MAEL: variants seen among roughly 807,000 people sequenced by gnomAD.
The protein encoded by MAEL is maelstrom spermatogenic transposon silencer.
In MAEL, 46 loss-of-function variants were observed where a neutral mutation model predicts 62.0. The ratio of observed to expected loss-of-function variants is 0.74; its 90% CI spans 0.59 to 0.95. The LOEUF (loss-of-function observed/expected upper bound fraction) is 0.95. Among genes scored for constraint, MAEL ranks in the 40% least tolerant of loss-of-function variants. The pLI is 0.00. For synonymous variants in MAEL, 172 were observed against 175.5 expected, an observed-to-expected ratio of 0.98 and a Z score of 0.16; for missense variants, 497 against 526.8, an observed-to-expected ratio of 0.94 and a Z score of 0.55.
At position 167,006,536 on chromosome 1, in the gene MAEL, C is replaced by T. The variant is rs915584402; in HGVS notation, c.845+1139C>T. On this transcript the variant is annotated intron_variant, in intron 8 of 11. Transcript: ENST00000367872. ...TTTGTCCAATTACTGATGATGATAA[C>T]TTTGATCACTTGTTTAATATAGTAC... 1.5e-4 allele frequency among the ~76,000 whole-genome samples: 22 copies of T among 144,334 alleles called. No individual in the cohort carries two copies. In the South Asian group the frequency reaches 1.6e-3, roughly 10 times the overall value. The allele number at this position is 144,334 out of a possible 152,430, so 94.7% of individuals were successfully genotyped here.
chr1:166,979,530 AG>A (rs1663696465), intron 1 of MAEL, among the ~76,000 whole-genome samples: 2 of 152,252 alleles, frequency 1.3e-5, no homozygotes, highest in African/African-American at 4.8e-5. Context: ...AATGCTTTAA[AG>A]AAAGGAAATG....
Position 167,022,072 on chromosome 1 carries a change from A to T in MAEL, c.*217A>T. The T allele has an allele frequency of 2.1e-6, 1 of 479,702 alleles. No homozygotes were observed. 29.7% of individuals were successfully genotyped at this position (479,702 alleles called of 1,614,324 possible). ...AGGGATTGTTCTGCTTCCTGGCTGT[A>T]TGATGGGTATATCATTAAAGTTTGG... is the stretch of plus-strand genomic sequence containing the variant. On this transcript the variant is annotated 3_prime_UTR_variant, in exon 12 of 12. Transcript: ENST00000367872.
At chr1:166,985,854 A>T (rs1663897080), upstream of MAEL, among the ~76,000 whole-genome samples, 1 of 152,232 alleles carries the variant, frequency 6.6e-6, no homozygotes, top group South Asian at 2.1e-4. Context: ...CCAGAAATGA[A>T]ACAGATAATA....
At chr1:167,001,322 G>A (rs895466204) in intron 5 of MAEL, among the ~76,000 whole-genome samples, 3 of 152,098 alleles carry the variant, frequency 2.0e-5, no homozygotes, top group Non-Finnish European at 4.4e-5. Flanking sequence ...TATACTACTC[G>A]GGTGATGGGT....
At chr1:167,016,201 A>C (rs370583379) in intron 8 of MAEL, 21 bp from the exon 9 acceptor site, 239 of 1,609,262 alleles carry the variant, frequency 1.5e-4, no homozygotes, top group Non-Finnish European at 2.0e-4. Flanking sequence ...TTAGGATATT[A>C]AAGTCCATTT....
At chr1:166,985,844 C>A (rs530658741), upstream of MAEL, among the ~76,000 whole-genome samples, 1 of 151,804 alleles carries the variant, frequency 6.6e-6, no homozygotes, top group African/African-American at 2.4e-5. Flanking sequence ...AGAAACAGAC[C>A]CAGAAATGAA....
At chr1:167,020,961 C>A in intron 10 of MAEL, 124 bp from the exon 11 acceptor site, 1 of 749,742 alleles carries the variant, frequency 1.3e-6, no homozygotes, top group Non-Finnish European at 2.3e-6. Context: ...ATTGATAAGA[C>A]ATTGGAAAAG....
chr1:167,013,080 TGAG>T (rs1349974745), intron 8 of MAEL, among the ~76,000 whole-genome samples: 2 of 152,058 alleles, frequency 1.3e-5, no homozygotes, highest in Admixed American at 6.6e-5. Context: ...ATTGGATAGA[TGAG>T]GAGGAGAGGA....
intron 1 of MAEL, among the ~76,000 whole-genome samples, chr1:166,978,402 A>T (rs181765211): frequency 1.3e-5 from 2 of 152,302 alleles, no homozygotes; most frequent in East Asian, 3.9e-4. Flanking sequence ...ATATGTAATG[A>T]TTCAAAACAT....
chr1:166,991,359 T>G lies in MAEL; in HGVS notation c.226-19T>G, dbSNP rs748199584. On this transcript the variant is annotated intron_variant, in intron 2 of 11. Transcript: ENST00000367872. ...GCCCAGCAAGAGTTTATGTGGCCAA[T>G]CATTCTCTTCCTCTTTAGAAACCTG... 17 of 1,526,796 alleles carry G rather than the reference T, an allele frequency of 1.1e-5. No individual in the cohort carries two copies. Among genetic ancestry groups the G allele is most frequent in the Non-Finnish European group, 1.5e-5 (17 of 1,100,902 alleles). The allele number at this position is 1,526,796 out of a possible 1,614,324, so 94.6% of individuals were successfully genotyped here. A position where few individuals can be genotyped will look rare whatever the true frequency, so the allele number is the denominator to read the frequency against.
At chr1:166,986,565 T>A (rs1663920001), upstream of MAEL, among the ~76,000 whole-genome samples, 2 of 152,172 alleles carry the variant, frequency 1.3e-5, no homozygotes, top group Admixed American at 6.5e-5. Context: ...TACACTAAAA[T>A]TTATGGGTAA....
intron 4 of MAEL, among the ~76,000 whole-genome samples, chr1:166,993,763 CTT>C (rs919888671): frequency 2.0e-5 from 3 of 152,172 alleles, no homozygotes; most frequent in South Asian, 2.1e-4. Context: ...AGCTAAGACT[CTT>C]TTGACACATG....
intron 6 of MAEL, among the ~76,000 whole-genome samples, chr1:167,004,516 A>G (rs1163471135): frequency 6.6e-6 from 1 of 152,154 alleles, no homozygotes; most frequent in Non-Finnish European, 1.5e-5. Context: ...AAAGCTAAAC[A>G]TATATCTATT....
Position 166,992,501 on chromosome 1 carries a change from A to C in MAEL, c.326-185A>C, listed in dbSNP as rs146265163. On this transcript the variant is annotated intron_variant, in intron 3 of 11. Transcript: ENST00000367872. ...ACTTTAATCCTTGATAATTGTAATT[A>C]TAAGAATTTTGATTTCTTTATTTGG... Among the ~76,000 whole-genome samples, 8 of 152,304 alleles carry C rather than the reference A, an allele frequency of 5.3e-5. No individual in the cohort carries two copies. In the East Asian group the frequency reaches 1.5e-3, roughly 29 times the overall value.
intron 5 of MAEL, among the ~76,000 whole-genome samples, chr1:166,996,479 G>T (rs1233023847): frequency 6.6e-6 from 1 of 152,044 alleles, no homozygotes; most frequent in Non-Finnish European, 1.5e-5. Context: ...CTATACAAAA[G>T]GTCCATCAGC....
chr1:167,018,283 C>T (rs1178574029), intron 10 of MAEL, among the ~76,000 whole-genome samples: 2 of 152,058 alleles, frequency 1.3e-5, no homozygotes, highest in Admixed American at 6.6e-5. Flanking sequence ...TTCTAAACAT[C>T]TACCTCAAAA....
chr1:166,979,100 G>C (rs781769741), intron 1 of MAEL, among the ~76,000 whole-genome samples: 3 of 152,166 alleles, frequency 2.0e-5, no homozygotes, highest in Non-Finnish European at 4.4e-5. Context: ...TTTAAAACAT[G>C]ATTTCATTGC....
chr1:166,994,501 A>T (rs1383419856), intron 5 of MAEL, among the ~76,000 whole-genome samples: 2 of 152,172 alleles, frequency 1.3e-5, no homozygotes, highest in Non-Finnish European at 2.9e-5. Context: ...ACCAAAGGGC[A>T]TGACTGTGTA....
chr1:167,022,135 A>G lies in MAEL; in HGVS notation c.*280A>G, dbSNP rs917225916. 5 of 294,324 alleles carry G rather than the reference A, an allele frequency of 1.7e-5. No homozygotes were observed. The highest frequency in any genetic ancestry group is 1.1e-4 in the African/African-American group (5 of 46,076). 18.2% of individuals were successfully genotyped at this position (294,324 alleles called of 1,614,324 possible). A position where few individuals can be genotyped will look rare whatever the true frequency, so the allele number is the denominator to read the frequency against. ...ACAAAACTGACATTTTTAGAGTTGT[A>G]CTTTTGGGAATGTTATAGATTGATC... On this transcript the variant is annotated 3_prime_UTR_variant, in exon 12 of 12. Transcript: ENST00000367872.
Sources: gnomAD v4.1 joint callset for allele counts (sites outside exome capture counted in the v4.1 genomes callset) on GRCh38, gnomAD v4.1.1 for gene constraint, MANE v1.5 for transcripts, NCBI Gene and HGNC (gene_info 2026-07-23, HGNC 2026-07-21) for gene names.